NPTN: variants seen among roughly 807,000 people sequenced by gnomAD.
NPTN encodes SDR-1.
NPTN carries 5 observed loss-of-function variants against 42.7 expected under a neutral mutation model. That is an observed-to-expected ratio of 0.12 (90% CI 0.06 to 0.25). NPTN has a LOEUF of 0.25. NPTN is among the 10% of genes least tolerant of loss of function. The pLI, the probability that NPTN is intolerant of heterozygous loss-of-function variation, is 1.00. For missense variants in NPTN, 307 were observed against 525.4 expected, an observed-to-expected ratio of 0.58 and a Z score of 4.06; for synonymous variants, 180 against 201.9, an observed-to-expected ratio of 0.89 and a Z score of 0.92.
intron 1 of NPTN, among the ~76,000 whole-genome samples, chr15:73,623,869 C>T (rs546675168): frequency 6.6e-6 from 1 of 152,258 alleles, no homozygotes; most frequent in South Asian, 2.1e-4. Context: ...ATGGTTCTGA[C>T]GATGAGTGCA....
intron 1 of NPTN, among the ~76,000 whole-genome samples, chr15:73,628,732 G>A (rs1425381920): frequency 2.6e-5 from 4 of 151,688 alleles, no homozygotes; most frequent in East Asian, 3.9e-4. Flanking sequence ...ATCTTTCAAG[G>A]CCCAATTAAA....
intron 4 of NPTN, among the ~76,000 whole-genome samples, chr15:73,577,569 C>T (rs937503191): frequency 2.6e-5 from 4 of 152,204 alleles, no homozygotes; most frequent in Non-Finnish European, 5.9e-5. Context: ...AAACAGACTC[C>T]CTTCTTGCCT....
intron 6 of NPTN, chr15:73,565,803 G>A (rs961350678): frequency 5.7e-5 from 26 of 456,200 alleles, no homozygotes; most frequent in African/African-American, 3.4e-4. Context: ...ATTTATCTGC[G>A]TGTTCCATCT....
chr15:73,604,740 T>A (rs1445706438), intron 1 of NPTN, among the ~76,000 whole-genome samples: 1 of 152,234 alleles, frequency 6.6e-6, no homozygotes, highest in Non-Finnish European at 1.5e-5. Flanking sequence ...AAGATTCACA[T>A]GAACAATGTA....
chr15:73,591,221 A>G (rs892750447), intron 3 of NPTN, among the ~76,000 whole-genome samples: 2 of 152,224 alleles, frequency 1.3e-5, no homozygotes, highest in Non-Finnish European at 2.9e-5. Flanking sequence ...ATCACTGGAT[A>G]CACAGGCTTT....
chr15:73,577,900 A>C (rs1419208720), intron 4 of NPTN, among the ~76,000 whole-genome samples: 2 of 152,166 alleles, frequency 1.3e-5, no homozygotes, highest in African/African-American at 2.4e-5. Context: ...TTATCCTTAG[A>C]AACTCTGCTC....
chr15:73,571,142 G>C (rs777902377), intron 5 of NPTN, among the ~76,000 whole-genome samples: 1 of 152,076 alleles, frequency 6.6e-6, no homozygotes, highest in African/African-American at 2.4e-5. Context: ...AAAATTAGCT[G>C]AGCATAGTGG....
rs1465074818 is a variant in NPTN at position 73,633,135 on chromosome 15, G to A, written c.81C>T (p.Ala27=). ...VSGSLLPGPG[A]AQNAGFVKSP... ...CGGCGCCCCGCTTACCGTTCTGAGC[G>A]GCGCCTGGCCCTGGGAGGAGGGAGC... is the stretch of plus-strand genomic sequence containing the variant. The change falls in exon 1 of 9, where the codon GCC becomes GCT. Residue 27 remains alanine, a synonymous_variant. Transcript: ENST00000345330. The A allele has an allele frequency of 2.0e-6, 3 of 1,490,970 alleles. No homozygotes were observed. Among genetic ancestry groups the A allele is most frequent in the African/African-American group, 1.5e-5 (1 of 67,622 alleles). The allele number at this position is 1,490,970 out of a possible 1,614,324, so 92.4% of individuals were successfully genotyped here. A position where few individuals can be genotyped will look rare whatever the true frequency, so the allele number is the denominator to read the frequency against.
chr15:73,625,925 C>T (rs1235596196), intron 1 of NPTN, among the ~76,000 whole-genome samples: 2 of 151,996 alleles, frequency 1.3e-5, no homozygotes, highest in Non-Finnish European at 2.9e-5. Flanking sequence ...AAAGTAGTAC[C>T]ATGAATGTTT....
At chr15:73,615,987 TCTTCC>T (rs1458587721) in intron 1 of NPTN, among the ~76,000 whole-genome samples, 2 of 152,190 alleles carry the variant, frequency 1.3e-5, no homozygotes, top group African/African-American at 4.8e-5. Flanking sequence ...GGTAGCTCTT[TCTTCC>T]CCAGAGGTTG....
In NPTN at chr15:73,568,531, G is replaced by C. The variant is rs374542879; in HGVS notation, c.1114+1619C>G. On this transcript the variant is annotated intron_variant, in intron 6 of 8. Transcript: ENST00000345330. ...AGGCAACTCTTTCCCTTTACTCCCA[G>C]GTCTAAATAAAGGTGCACTCTTGCC... The C allele has an allele frequency of 4.1e-5, 40 of 985,304 alleles. No individual in the cohort carries two copies. In the African/African-American group the frequency reaches 6.6e-4, roughly 16 times the overall value. The allele number at this position is 985,304 out of a possible 1,614,324, so 61.0% of individuals were successfully genotyped here.
At chr15:73,576,384 A>G (rs908998510) in intron 4 of NPTN, among the ~76,000 whole-genome samples, 6 of 152,160 alleles carry the variant, frequency 3.9e-5, no homozygotes, top group African/African-American at 1.2e-4. Context: ...GCTGGAATGC[A>G]GTGGTGTGAT....
chr15:73,572,260 T>C (rs1033452241), intron 5 of NPTN, among the ~76,000 whole-genome samples: 1 of 152,230 alleles, frequency 6.6e-6, no homozygotes, highest in Non-Finnish European at 1.5e-5. Context: ...CCAAAGAAGA[T>C]GGATTAATGA....
At chr15:73,623,733 A>T (rs565383507) in intron 1 of NPTN, among the ~76,000 whole-genome samples, 86 of 152,102 alleles carry the variant, frequency 5.7e-4, no homozygotes, top group Non-Finnish European at 1.0e-3. Flanking sequence ...TGAAAAGTCC[A>T]TTTCATTTCA....
intron 1 of NPTN, among the ~76,000 whole-genome samples, chr15:73,619,247 C>T (rs1280159673): frequency 6.6e-6 from 1 of 152,050 alleles, no homozygotes; most frequent in Non-Finnish European, 1.5e-5. Context: ...GTCTTAATTA[C>T]TAATGTTTAA....
chr15:73,573,510 CTT>C (rs1379513517), intron 5 of NPTN, 150 bp downstream of exon 5: 14 of 830,152 alleles, frequency 1.7e-5, no homozygotes, highest in Admixed American at 3.4e-5. Context: ...TCAATGACCT[CTT>C]GATTCATGCT....
At chr15:73,578,679 T>A (rs1595909116) in intron 4 of NPTN, among the ~76,000 whole-genome samples, 1 of 152,302 alleles carries the variant, frequency 6.6e-6, no homozygotes, top group East Asian at 1.9e-4. Context: ...AAGTTTAAGA[T>A]ACTTATTTAA....
rs768432615 is a variant in NPTN, at chr15:73,573,806, G to GC, written c.707-12dup. On this transcript the variant is annotated splice_polypyrimidine_tract_variant and intron_variant, in intron 4 of 8. Transcript: ENST00000345330. ...TGATGTCAGGAGCGGCTGTGAGAAAGCGTTAGACGCAGTTACCACGGAAGT... is the reference window on the plus strand; with the variant it reads ...TGATGTCAGGAGCGGCTGTGAGAAAGCCGTTAGACGCAGTTACCACGGAAGT... The GC allele has an allele frequency of 6.2e-7, 1 of 1,604,394 alleles. No individual in the cohort carries two copies. Among genetic ancestry groups the GC allele is most frequent in the Non-Finnish European group, 8.5e-7 (1 of 1,175,830 alleles).
At chr15:73,627,190 C>T (rs1307963562) in intron 1 of NPTN, among the ~76,000 whole-genome samples, 3 of 152,140 alleles carry the variant, frequency 2.0e-5, no homozygotes, top group Admixed American at 1.3e-4. Flanking sequence ...GAGCTGAGAT[C>T]ATGCCACTGC....
Sources: gnomAD v4.1 joint callset for allele counts (sites outside exome capture counted in the v4.1 genomes callset) on GRCh38, gnomAD v4.1.1 for gene constraint, MANE v1.5 for transcripts, NCBI Gene and HGNC (gene_info 2026-07-23, HGNC 2026-07-21) for gene names.